TRAIP: variants seen among roughly 807,000 people sequenced by gnomAD.
TRAIP encodes the protein TRAF interacting protein, also known as E3 ubiquitin-protein ligase TRAIP.
A neutral mutation model predicts 65.0 loss-of-function variants in TRAIP; 37 were observed. The ratio of observed to expected loss-of-function variants is 0.57; its 90% CI spans 0.44 to 0.75. The LOEUF is 0.75. Ranked by LOEUF, TRAIP falls within the 30% of genes least tolerant of loss-of-function variation. The probability of loss-of-function intolerance (pLI) is 0.00; values close to 1 mark genes in which losing one functional copy is unlikely to be tolerated. For synonymous variants in TRAIP, 187 were observed against 219.1 expected (o/e 0.85, Z 1.29); for missense variants, 481 against 579.4 (o/e 0.83, Z 1.74).
intron 10 of TRAIP, among the ~76,000 whole-genome samples, chr3:49,834,139 C>A (rs1047695272): frequency 6.6e-6 from 1 of 152,188 alleles, no homozygotes; most frequent in Non-Finnish European, 1.5e-5. Context: ...TGGCTCCTGG[C>A]GGCCTTACCC....
In TRAIP at chr3:49,847,682, G is replaced by A. The variant is rs2081897036; in HGVS notation, c.157-74C>T. 12 of 1,003,338 alleles carry A rather than the reference G, an allele frequency of 1.2e-5. No individual in the cohort carries two copies. In the South Asian group the frequency reaches 1.8e-4, roughly 15 times the overall value. 62.2% of individuals were successfully genotyped at this position (1,003,338 alleles called of 1,614,324 possible). A position where few individuals can be genotyped will look rare whatever the true frequency, so the allele number is the denominator to read the frequency against. On this transcript the variant is annotated intron_variant, in intron 2 of 14. Coordinates refer to ENST00000331456, the MANE Select transcript of TRAIP (RefSeq NM_005879.3). ...GCAAGGAGGAGAGTGTTGTACATGGGTCTGACTACCTGCCTGACATGCATG... is the reference window on the plus strand; with the variant it reads ...GCAAGGAGGAGAGTGTTGTACATGGATCTGACTACCTGCCTGACATGCATG...
Position 49,843,943 on chromosome 3 carries a change from G to A in TRAIP, c.281-15C>T. 4 of 1,596,082 alleles carry A rather than the reference G, an allele frequency of 2.5e-6. No homozygotes were observed. Among genetic ancestry groups the A allele is most frequent in the Non-Finnish European group, 3.4e-6 (4 of 1,165,404 alleles). ...TTTCTCCTTGTCTGGAGCAGGGGTA[G>A]AGGGCGGAGGAAAGGGAAAGGCCTG... On this transcript the variant is annotated splice_polypyrimidine_tract_variant and intron_variant, in intron 4 of 14. Transcript: ENST00000331456.
In TRAIP at chr3:49,840,317, C is replaced by T; in HGVS notation, c.762G>A (p.Gln254=). Residue 254 remains glutamine (Q), a synonymous_variant, in exon 9 of 15, where the codon CAG becomes CAA. Transcript: ENST00000331456. ...DQAKLELKSA[Q]KDLQSADKEI... ...CCTTGTCAGCACTCTGTAAGTCCTTCTGGGCTGACTTCAGTTCTAACTTGG... is the reference window on the plus strand; with the variant it reads ...CCTTGTCAGCACTCTGTAAGTCCTTTTGGGCTGACTTCAGTTCTAACTTGG... The T allele has an allele frequency of 6.2e-7, 1 of 1,614,220 alleles. No homozygotes were observed. The highest frequency in any genetic ancestry group is 8.5e-7 in the Non-Finnish European group (1 of 1,180,000).
intron 7 of TRAIP, 64 bp downstream of exon 7, chr3:49,841,762 A>AT: frequency 7.8e-7 from 1 of 1,288,356 alleles, no homozygotes; most frequent in Non-Finnish European, 1.1e-6. Flanking sequence ...GATGGGGAGC[A>AT]ATGACACGGC....
At chr3:49,830,493 AG>A (rs915839162) in intron 11 of TRAIP, among the ~76,000 whole-genome samples, 6 of 152,204 alleles carry the variant, frequency 3.9e-5, no homozygotes, top group Non-Finnish European at 7.4e-5. Context: ...CTTCCCAGAG[AG>A]GGGACACTAC....
At chr3:49,830,173 C>T in intron 11 of TRAIP, 105 bp from the exon 12 acceptor site, 3 of 1,253,438 alleles carry the variant, frequency 2.4e-6, no homozygotes, top group Non-Finnish European at 3.5e-6. Flanking sequence ...GGCACTGCTG[C>T]TGCCATGCCT....
In TRAIP at chr3:49,847,560, C is replaced by T; in HGVS notation, c.205G>A (p.Glu69Lys). ...TCTGCATCCAAGACATTCTCCTCCTCCTGGGCAAGATCAAAGAAGAGCTTA... is the reference window on the plus strand; with the variant it reads ...TCTGCATCCAAGACATTCTCCTCCTTCTGGGCAAGATCAAAGAAGAGCTTA... ...INKLFFDLAQ[E>K]EENVLDAEFL... The change falls in exon 3 of 15, where the codon GAG (glutamate) becomes AAG (lysine). Residue 69 changes from glutamate (E) to lysine (K), a missense_variant. Transcript: ENST00000331456. 6.2e-7 allele frequency: 1 copy of T among 1,612,280 alleles called. No homozygotes were observed. Among genetic ancestry groups the T allele is most frequent in the Non-Finnish European group, 8.5e-7 (1 of 1,179,466 alleles).
intron 10 of TRAIP, 108 bp downstream of exon 10, chr3:49,839,664 A>G (rs1296484038): frequency 2.0e-6 from 2 of 1,011,484 alleles, no homozygotes; most frequent in African/African-American, 3.2e-5. Context: ...GTCTGCAGAC[A>G]TCAGGTCCAC....
chr3:49,835,939 A>C (rs920154972), intron 10 of TRAIP, among the ~76,000 whole-genome samples: 1 of 40,362 alleles, frequency 2.5e-5, no homozygotes, highest in African/African-American at 1.5e-4. Flanking sequence ...ACTCCATCTC[A>C]AAAAAAAAAA....
Position 49,849,158 on chromosome 3 carries a change from A to T in TRAIP, c.99-958T>A, listed in dbSNP as rs774306375. Among the ~76,000 whole-genome samples, 30 of 150,048 alleles carry T rather than the reference A, an allele frequency of 2.0e-4. 1 individual carries two copies. Among genetic ancestry groups the T allele is most frequent in the African/African-American group, 6.6e-4 (27 of 40,792 alleles). ...CCATACCCAGCCATAAAATTTTTTT[A>T]AATTAAATTTTTTGTTTTTTTGTTT... On this transcript the variant is annotated intron_variant, in intron 1 of 14. Coordinates refer to ENST00000331456, the MANE Select transcript of TRAIP (RefSeq NM_005879.3).
chr3:49,832,092 A>G, intron 10 of TRAIP, 24 bp from the exon 11 acceptor site: 1 of 1,556,706 alleles, frequency 6.4e-7, no homozygotes, highest in Non-Finnish European at 8.7e-7. Flanking sequence ...TGACCTGGTT[A>G]CTTGGGGCCA....
At chr3:49,839,732 C>T (rs535816474) in intron 10 of TRAIP, 40 bp downstream of exon 10, 24 of 1,577,422 alleles carry the variant, frequency 1.5e-5, no homozygotes, top group Middle Eastern at 3.5e-4. Flanking sequence ...AGAAAGCTCT[C>T]CCACCTTGTG....
chr3:49,845,535 G>A (rs2081874696), intron 3 of TRAIP, among the ~76,000 whole-genome samples: 1 of 152,232 alleles, frequency 6.6e-6, no homozygotes, highest in Non-Finnish European at 1.5e-5. Flanking sequence ...AGGACTCTGG[G>A]GGCAAGAGCT....
At chr3:49,848,495 G>T (rs1260460367) in intron 1 of TRAIP, among the ~76,000 whole-genome samples, 2 of 152,090 alleles carry the variant, frequency 1.3e-5, no homozygotes, top group African/African-American at 4.8e-5. Context: ...GAAGCTCAGG[G>T]GCCCTCAGAG....
In TRAIP at chr3:49,840,980, G is replaced by A; in HGVS notation, c.705+5C>T. On this transcript the variant is annotated splice_donor_5th_base_variant and intron_variant, in intron 8 of 14. Transcript: ENST00000331456. ...TCCTTCAACCTCTGTTCACTGCTAA[G>A]TTACCTTGCTTCTGGAGGAAAACAA... The A allele has an allele frequency of 3.1e-6, 5 of 1,614,002 alleles. No individual in the cohort carries two copies. Among genetic ancestry groups the A allele is most frequent in the Non-Finnish European group, 4.2e-6 (5 of 1,179,874 alleles).
At chr3:49,838,496 T>G (rs1352373251) in intron 10 of TRAIP, among the ~76,000 whole-genome samples, 1 of 152,074 alleles carries the variant, frequency 6.6e-6, no homozygotes, top group African/African-American at 2.4e-5. Context: ...GAACATAAGC[T>G]CCAAGAGAAC....
chr3:49,844,112 T>A, intron 4 of TRAIP, 184 bp from the exon 5 acceptor site: 1 of 782,454 alleles, frequency 1.3e-6, no homozygotes, highest in Non-Finnish European at 2.0e-6. Flanking sequence ...AGCCAGAGCC[T>A]TCATTCAGGG....
rs753148679 is a variant in TRAIP at position 49,841,948 on chromosome 3, T to C, written c.504-9A>G. The C allele has an allele frequency of 3.7e-6, 6 of 1,612,034 alleles. No individual in the cohort carries two copies. The highest frequency in any genetic ancestry group is 1.1e-5 in the South Asian group (1 of 91,038). ...GGAGTAGAAGCTCAATCCTGAAAAA[T>C]ACACCCAGCCCACGGCATTTGCAAT... On this transcript the variant is annotated splice_polypyrimidine_tract_variant and intron_variant, in intron 6 of 14. Transcript: ENST00000331456.
chr3:49,839,713 A>G (rs1418950955), intron 10 of TRAIP, 59 bp downstream of exon 10: 3 of 1,485,916 alleles, frequency 2.0e-6, no homozygotes, highest in Non-Finnish European at 1.9e-6. Context: ...AGGAGTAAAG[A>G]CTGTTACCAG....
Sources: allele counts gnomAD v4.1 joint callset (sites outside exome capture counted in the v4.1 genomes callset), GRCh38; gene constraint gnomAD v4.1.1; transcripts MANE v1.5; gene names NCBI Gene and HGNC (gene_info 2026-07-23, HGNC 2026-07-21).